XYLT1: variants seen among roughly 807,000 people sequenced by gnomAD.
The protein encoded by XYLT1 is xylosyltransferase 1.
XYLT1 carries 36 observed loss-of-function variants against 91.3 expected under a neutral mutation model. The observed-to-expected ratio is 0.39, with a 90% CI of 0.30 to 0.52. XYLT1 has a LOEUF of 0.52. XYLT1 is among the 20% of genes least tolerant of loss of function. The probability of loss-of-function intolerance (pLI) is 0.68; values close to 1 mark genes in which losing one functional copy is unlikely to be tolerated. For synonymous variants in XYLT1, 588 were observed against 532.0 expected (o/e 1.11, Z -1.45); for missense variants, 1,242 against 1,284.5 (o/e 0.97, Z 0.51).
chr16:17,382,231 T>C (rs993655169), intron 1 of XYLT1, among the ~76,000 whole-genome samples: 63 of 151,806 alleles, frequency 4.2e-4, no homozygotes, highest in Non-Finnish European at 5.9e-5. Context: ...GGGTGGAAAG[T>C]ATCACTGCAC....
intron 2 of XYLT1, among the ~76,000 whole-genome samples, chr16:17,356,159 T>G (rs2035292069): frequency 6.6e-6 from 1 of 151,996 alleles, no homozygotes; most frequent in Non-Finnish European, 1.5e-5. Flanking sequence ...CGTTGCCAAA[T>G]AACCACTGGG....
At chr16:17,409,030 G>A (rs903599644) in intron 1 of XYLT1, among the ~76,000 whole-genome samples, 7 of 152,118 alleles carry the variant, frequency 4.6e-5, no homozygotes, top group South Asian at 2.1e-4. Flanking sequence ...ATAATGACAC[G>A]TGTCAAAACC....
intron 1 of XYLT1, among the ~76,000 whole-genome samples, chr16:17,461,767 A>G (rs1013476201): frequency 6.6e-6 from 1 of 152,182 alleles, no homozygotes; most frequent in Non-Finnish European, 1.5e-5. Flanking sequence ...GACTGAGAAC[A>G]CAGCCTTTGG....
chr16:17,408,549 G>A (rs1040689057), intron 1 of XYLT1, among the ~76,000 whole-genome samples: 2 of 152,200 alleles, frequency 1.3e-5, no homozygotes, highest in African/African-American at 4.8e-5. Context: ...TGTGCTTCTA[G>A]GTGCTAAAAG....
chr16:17,286,656 C>CATCATCCTCATCATG (rs546231084), intron 2 of XYLT1, among the ~76,000 whole-genome samples: 164 of 151,848 alleles, frequency 1.1e-3, no homozygotes, highest in South Asian at 4.6e-3. Flanking sequence ...TAGGTATCAT[C>CATCATCCTCATCATG]ATCATCCTCA....
At chr16:17,387,167 G>T (rs984421118) in intron 1 of XYLT1, among the ~76,000 whole-genome samples, 2 of 152,104 alleles carry the variant, frequency 1.3e-5, no homozygotes, top group African/African-American at 4.8e-5. Context: ...TCAGTGTATG[G>T]ATTCCTCTCC....
chr16:17,436,619 T>C (rs1430440619), intron 1 of XYLT1, among the ~76,000 whole-genome samples: 5 of 152,126 alleles, frequency 3.3e-5, no homozygotes, highest in African/African-American at 1.2e-4. Context: ...AAAGCAGAAA[T>C]TTACCCTGAG....
At chr16:17,378,395 G>A (rs564828841) in intron 1 of XYLT1, among the ~76,000 whole-genome samples, 3 of 152,138 alleles carry the variant, frequency 2.0e-5, no homozygotes, top group East Asian at 3.9e-4. Context: ...ACTCAAAGAG[G>A]CCAGGACCTT....
intron 1 of XYLT1, among the ~76,000 whole-genome samples, chr16:17,389,439 G>C (rs898348282): frequency 6.6e-6 from 1 of 152,192 alleles, no homozygotes; most frequent in Admixed American, 6.5e-5. Context: ...TGGTTTATCT[G>C]CAGGATAGTA....
chr16:17,118,100 G>C (rs930635984), intron 10 of XYLT1, 121 bp from the exon 11 acceptor site: 43 of 1,053,152 alleles, frequency 4.1e-5, no homozygotes, highest in Non-Finnish European at 5.5e-5. Context: ...AGAAACTGAG[G>C]CTCCAACTAA....
chr16:17,180,268 C>G (rs1033446833), intron 5 of XYLT1, among the ~76,000 whole-genome samples: 1 of 152,172 alleles, frequency 6.6e-6, no homozygotes, highest in African/African-American at 2.4e-5. Flanking sequence ...CACAACCCAG[C>G]AAAGCAATTT....
chr16:17,281,572 C>T (rs767410737), intron 2 of XYLT1, among the ~76,000 whole-genome samples: 1 of 152,158 alleles, frequency 6.6e-6, no homozygotes, highest in Non-Finnish European at 1.5e-5. Context: ...GCTATGGAAC[C>T]CTGGCTAGAC....
Position 17,470,765 on chromosome 16 carries a change from GC to G in XYLT1, c.31del (p.Ala11ProfsTer183). ...GAGCAGCGCCGAGTGCGAGCGCCGG[GC>G]CAGCCTCCGGGCGCACGGCGCCGCC... MVAAPCARRL[A>X]RRSHSALLAA... On this transcript the variant is annotated frameshift_variant, in exon 1 of 12. Coordinates refer to ENST00000261381, the MANE Select transcript of XYLT1 (RefSeq NM_022166.4). LOFTEE classifies it high-confidence loss of function. The G allele has an allele frequency of 9.3e-7, 1 of 1,072,466 alleles. No homozygotes were observed. The highest frequency in any genetic ancestry group is 1.1e-6 in the Non-Finnish European group (1 of 880,202). 66.4% of individuals were successfully genotyped at this position (1,072,466 alleles called of 1,614,324 possible). A position where few individuals can be genotyped will look rare whatever the true frequency, so the allele number is the denominator to read the frequency against.
At chr16:17,469,589 A>C (rs1287499960) in intron 1 of XYLT1, among the ~76,000 whole-genome samples, 1 of 152,150 alleles carries the variant, frequency 6.6e-6, no homozygotes, top group African/African-American at 2.4e-5. Flanking sequence ...ATGGCCCCAG[A>C]TCTGCGGAAA....
intron 1 of XYLT1, among the ~76,000 whole-genome samples, chr16:17,458,580 A>C (rs1410155660): frequency 1.3e-5 from 2 of 152,110 alleles, no homozygotes; most frequent in Admixed American, 1.3e-4. Flanking sequence ...TTTCCACTTG[A>C]ACTTCAGAAC....
Position 17,251,701 on chromosome 16 carries a change from G to A in XYLT1, c.913+7287C>T, listed in dbSNP as rs2033540777. ...GAAAAAGCTGTGTCACCTGGCAGCT[G>A]GCACAGATTGCCTCCTATGGGTCGC... On this transcript the variant is annotated intron_variant, in intron 3 of 11. Transcript: ENST00000261381. Among the ~76,000 whole-genome samples the A allele has an allele frequency of 1.3e-5, 2 of 152,210 alleles. 1 individual carries two copies. The highest frequency in any genetic ancestry group is 4.1e-4 in the South Asian group (2 of 4,826).
intron 2 of XYLT1, chr16:17,338,061 C>T (rs987743311): frequency 2.5e-6 from 1 of 396,980 alleles, no homozygotes; most frequent in Non-Finnish European, 5.1e-6. Flanking sequence ...AGCCACCGCA[C>T]CCGGCCCCCG....
At chr16:17,234,193 C>G (rs2141725010) in intron 3 of XYLT1, among the ~76,000 whole-genome samples, 1 of 152,206 alleles carries the variant, frequency 6.6e-6, no homozygotes, top group South Asian at 2.1e-4. Flanking sequence ...GTGATTTGCC[C>G]AAGAATGCCT....
At chr16:17,288,591 A>G (rs1005226846) in intron 2 of XYLT1, among the ~76,000 whole-genome samples, 1 of 152,182 alleles carries the variant, frequency 6.6e-6, no homozygotes, top group African/African-American at 2.4e-5. Flanking sequence ...CATACCTTGA[A>G]TATGGGCAGG....
Sources: allele counts gnomAD v4.1 joint callset (sites outside exome capture counted in the v4.1 genomes callset), GRCh38; gene constraint gnomAD v4.1.1; transcripts MANE v1.5; gene names NCBI Gene and HGNC (gene_info 2026-07-23, HGNC 2026-07-21).